Variants in CNGB3 observed in about 807,000 individuals in gnomAD.
CNGB3 encodes the protein cyclic nucleotide gated channel subunit beta 3, also known as cyclic nucleotide-gated channel beta-3.
In CNGB3, 86 loss-of-function variants were observed where a neutral mutation model predicts 92.8. The observed-to-expected ratio is 0.93, with a 90% CI of 0.78 to 1.11. CNGB3 has a LOEUF of 1.11. Among genes scored for constraint, CNGB3 ranks in the 50% least tolerant of loss-of-function variants. The probability of loss-of-function intolerance (pLI) is 0.00; values close to 1 mark genes in which losing one functional copy is unlikely to be tolerated. For missense variants in CNGB3, 1,026 were observed against 956.8 expected (o/e 1.07, Z -0.95); for synonymous variants, 333 against 332.7 (o/e 1.00, Z -0.01).
Position 86,628,864 on chromosome 8 carries a change from T to C in CNGB3, c.1480+55A>G. The C allele has an allele frequency of 3.1e-6, 5 of 1,590,764 alleles. No individual in the cohort carries two copies. The South Asian group carries it at 5.5e-5, about 18-fold the overall frequency. On this transcript the variant is annotated intron_variant, in intron 12 of 17. Transcript: ENST00000320005. ...AACTAGTCTCTGCTACCTTACAGAA[T>C]TTTCATCATATGACAAGGTTTACAG...
chr8:86,580,424 C>T (rs17610358), intron 15 of CNGB3, among the ~76,000 whole-genome samples: 2 of 152,194 alleles, frequency 1.3e-5, no homozygotes, highest in African/African-American at 4.8e-5. Context: ...CTGGCTGATA[C>T]AACTCTCAAC....
intron 3 of CNGB3, among the ~76,000 whole-genome samples, chr8:86,686,834 T>C (rs1320479408): frequency 6.6e-6 from 1 of 152,050 alleles, no homozygotes; most frequent in Non-Finnish European, 1.5e-5. Flanking sequence ...TTTATACTCA[T>C]GAACACTAGA....
intron 3 of CNGB3, among the ~76,000 whole-genome samples, chr8:86,711,407 A>C (rs887767200): frequency 6.6e-6 from 1 of 152,198 alleles, no homozygotes; most frequent in African/African-American, 2.4e-5. Flanking sequence ...GAACACAAGA[A>C]GACCCATTTT....
chr8:86,585,865 A>G lies in CNGB3; in HGVS notation c.1782-6613T>C, dbSNP rs376890849. Among the ~76,000 whole-genome samples, 18 of 152,344 alleles carry G rather than the reference A, an allele frequency of 1.2e-4. No homozygotes were observed. The East Asian group carries it at 1.9e-3, about 16-fold the overall frequency. On this transcript the variant is annotated intron_variant, in intron 15 of 17. Transcript: ENST00000320005. ...TTTCAAGTAAAGTTCAGTAAGAGTA[A>G]GTTTATGGATGGAAGGAGATAGGTC...
chr8:86,738,658 T>A (rs1464917816), intron 2 of CNGB3, among the ~76,000 whole-genome samples: 1 of 142,188 alleles, frequency 7.0e-6, no homozygotes, highest in Non-Finnish European at 1.5e-5. Flanking sequence ...GCTAACACAG[T>A]GAAACCCCGT....
intron 3 of CNGB3, among the ~76,000 whole-genome samples, chr8:86,716,111 G>A (rs553457429): frequency 1.3e-5 from 2 of 152,086 alleles, no homozygotes; most frequent in Admixed American, 6.5e-5. Flanking sequence ...CAATAGAATC[G>A]AACAAGCAGG....
chr8:86,596,485 G>C (rs893551581), intron 15 of CNGB3, among the ~76,000 whole-genome samples: 1 of 152,162 alleles, frequency 6.6e-6, no homozygotes, highest in African/African-American at 2.4e-5. Flanking sequence ...AGGGCACAAG[G>C]CTGAATATGC....
intron 15 of CNGB3, among the ~76,000 whole-genome samples, chr8:86,599,936 C>T: frequency 6.6e-6 from 1 of 152,158 alleles, no homozygotes; most frequent in East Asian, 1.9e-4. Context: ...ACACTCCCTC[C>T]CCTTTTGAAA....
At position 86,608,554 on chromosome 8, in the gene CNGB3, G is replaced by A. The variant is rs191615798; in HGVS notation, c.1662+3034C>T. On this transcript the variant is annotated intron_variant, in intron 14 of 17. Coordinates refer to ENST00000320005, the MANE Select transcript of CNGB3 (RefSeq NM_019098.5). ...CAGTCAGGCTCACCCGCAGTTATCC[G>A]GAGGCCTAACCGTCTCCCTGTGATG... Among the ~76,000 whole-genome samples, 542 of 152,302 alleles carry A rather than the reference G, an allele frequency of 3.6e-3. 5 individuals are homozygous for A. Among genetic ancestry groups the A allele is most frequent in the African/African-American group, 0.012 (504 of 41,562 alleles).
chr8:86,585,575 C>A (rs895059917), intron 15 of CNGB3, among the ~76,000 whole-genome samples: 1 of 151,868 alleles, frequency 6.6e-6, no homozygotes, highest in East Asian at 1.9e-4. Context: ...AGGAGCAAAA[C>A]AAAAACAAGA....
intron 10 of CNGB3, among the ~76,000 whole-genome samples, chr8:86,636,380 T>C (rs1277646334): frequency 1.3e-5 from 2 of 151,728 alleles, no homozygotes; most frequent in Non-Finnish European, 2.9e-5. Flanking sequence ...GAGACCAGTC[T>C]GGCCAACATG....
At chr8:86,694,893 G>A (rs538396945) in intron 3 of CNGB3, among the ~76,000 whole-genome samples, 4 of 152,102 alleles carry the variant, frequency 2.6e-5, no homozygotes, top group South Asian at 2.1e-4. Context: ...CTTCCCAGAC[G>A]GGGTGGCGCC....
chr8:86,724,711 C>G lies in CNGB3; in HGVS notation c.338+1820G>C, dbSNP rs146057268. Among the ~76,000 whole-genome samples the G allele has an allele frequency of 4.9e-3, 738 of 152,062 alleles. 8 individuals are homozygous for G. The highest frequency in any genetic ancestry group is 8.9e-3 in the Non-Finnish European group (605 of 67,998). ...GCCTAGTTAGGAATGTCAGGGAAAG[C>G]CTTACAAAGGAAGTATTGGTCATAT... is the stretch of plus-strand genomic sequence containing the variant. On this transcript the variant is annotated intron_variant, in intron 3 of 17. Coordinates refer to ENST00000320005, the MANE Select transcript of CNGB3 (RefSeq NM_019098.5).
intron 3 of CNGB3, among the ~76,000 whole-genome samples, chr8:86,682,713 A>C (rs1824105296): frequency 6.6e-6 from 1 of 152,208 alleles, no homozygotes; most frequent in African/African-American, 2.4e-5. Context: ...TTGTAGAAAG[A>C]GGGAAACCAA....
chr8:86,643,567 G>A (rs947864416), intron 10 of CNGB3, among the ~76,000 whole-genome samples, 184 bp downstream of exon 10: 1 of 151,138 alleles, frequency 6.6e-6, no homozygotes, highest in Non-Finnish European at 1.5e-5. Flanking sequence ...CTAAGATAAT[G>A]ACCTTCAGTC....
chr8:86,737,881 G>C (rs1053042154), intron 2 of CNGB3, among the ~76,000 whole-genome samples: 2 of 152,132 alleles, frequency 1.3e-5, no homozygotes, highest in Admixed American at 6.5e-5. Flanking sequence ...TCAGTACTTC[G>C]ACTGCAGGGA....
intron 15 of CNGB3, among the ~76,000 whole-genome samples, chr8:86,581,194 C>T (rs915282707): frequency 9.2e-5 from 14 of 152,248 alleles, no homozygotes; most frequent in Middle Eastern, 3.4e-3. Context: ...GGCAAACTAC[C>T]GCCCCCAAAT....
intron 10 of CNGB3, among the ~76,000 whole-genome samples, chr8:86,640,826 A>G (rs188588252): frequency 2.2e-4 from 34 of 152,204 alleles, no homozygotes; most frequent in Non-Finnish European, 3.7e-4. Context: ...CTCTATTAGC[A>G]TGTGAGTTTA....
At position 86,639,515 on chromosome 8, in the gene CNGB3, A is replaced by G. The variant is rs115136533; in HGVS notation, c.1178+4236T>C. On this transcript the variant is annotated intron_variant, in intron 10 of 17. Coordinates refer to ENST00000320005, the MANE Select transcript of CNGB3 (RefSeq NM_019098.5). The stretch of plus-strand genomic sequence containing the variant: ...TCACAGTGTTCCATTTATGCCCCAC[A>G]GTCTGCTGCCTAATTCTAACTAGGT... Among the ~76,000 whole-genome samples, 1,404 of 152,208 alleles carry G rather than the reference A, an allele frequency of 9.2e-3. 21 individuals carry two copies. Among genetic ancestry groups the G allele is most frequent in the African/African-American group, 0.032 (1,329 of 41,552 alleles).
Sources: gnomAD v4.1 joint callset for allele counts (sites outside exome capture counted in the v4.1 genomes callset) on GRCh38, gnomAD v4.1.1 for gene constraint, MANE v1.5 for transcripts, NCBI Gene and HGNC (gene_info 2026-07-23, HGNC 2026-07-21) for gene names.